The following TPMT variants were observed in gnomAD, a reference collection of about 807,000 sequenced individuals.
TPMT encodes the protein thiopurine S-methyltransferase.
In TPMT, 18 loss-of-function variants were observed where a neutral mutation model predicts 34.2. The ratio of observed to expected loss-of-function variants is 0.53; its 90% CI spans 0.36 to 0.78. The LOEUF is 0.78. Ranked by LOEUF, TPMT falls within the 30% of genes least tolerant of loss-of-function variation. The pLI, the probability that TPMT is intolerant of heterozygous loss-of-function variation, is 0.00. For missense variants in TPMT, 265 were observed against 288.1 expected, an observed-to-expected ratio of 0.92 and a Z score of 0.58; for synonymous variants, 69 against 92.4, an observed-to-expected ratio of 0.75 and a Z score of 1.45.
rs976236762 is a variant in TPMT, at chr6:18,139,092, T to G, written c.420-55A>C. On this transcript the variant is annotated intron_variant, in intron 5 of 8. Transcript: ENST00000309983. This position sits in a 1 kb window ranked among gnomAD's most constrained non-coding sequence, Gnocchi z 4.2. ...GAGAAAAATCAAATCTTTAAGAAGA[T>G]GAGCAGCGTCCCCCATGGTGCATGC... The G allele has an allele frequency of 2.0e-6, 3 of 1,469,808 alleles. No individual in the cohort carries two copies. The highest frequency in any genetic ancestry group is 2.9e-6 in the Non-Finnish European group (3 of 1,048,062). 91.0% of individuals were successfully genotyped at this position (1,469,808 alleles called of 1,614,324 possible).
intron 6 of TPMT, among the ~76,000 whole-genome samples, chr6:18,134,402 G>A (rs1784005377): frequency 6.6e-6 from 1 of 152,216 alleles, no homozygotes; most frequent in African/African-American, 2.4e-5. Context: ...GGGGCCTTAT[G>A]TAAGAGAAAA....
chr6:18,151,772 C>T (rs933726888), intron 1 of TPMT, among the ~76,000 whole-genome samples: 2 of 151,962 alleles, frequency 1.3e-5, no homozygotes, highest in Non-Finnish European at 2.9e-5. Context: ...TCTTTAATTT[C>T]CTTGTGGTAG....
intron 1 of TPMT, among the ~76,000 whole-genome samples, chr6:18,151,713 C>A (rs1784358035): frequency 6.6e-6 from 1 of 151,988 alleles, no homozygotes. Flanking sequence ...CCGCCTCAGC[C>A]TTTAAAGTAT....
In TPMT at chr6:18,131,797, A is replaced by G. The variant is rs1198226880; in HGVS notation, c.625+336T>C. Among the ~76,000 whole-genome samples the G allele has an allele frequency of 6.7e-6, 1 of 149,806 alleles. No homozygotes were observed. On this transcript the variant is annotated intron_variant, in intron 8 of 8. Transcript: ENST00000309983. This position sits in a 1 kb window ranked among gnomAD's most constrained non-coding sequence, Gnocchi z 4.3. ...AGTTCACAATAGGTTTTTTTTTTTT[A>G]GATGGAGTCTCACTCTGTTACCCAC...
rs553458231 is a variant in TPMT, at chr6:18,149,501, C to T, written c.-44-330G>A. Among the ~76,000 whole-genome samples the T allele has an allele frequency of 2.1e-4, 32 of 151,252 alleles. No homozygotes were observed. The highest frequency in any genetic ancestry group is 7.0e-4 in the African/African-American group (29 of 41,184). On this transcript the variant is annotated intron_variant, in intron 1 of 8. Coordinates refer to ENST00000309983, the MANE Select transcript of TPMT (RefSeq NM_000367.5). The surrounding 1 kb of genome is among the most constrained non-coding windows in gnomAD (Gnocchi z 5.0). ...TTTTTTTTTCAGAGACAAGGTCTTG[C>T]TCTGTCACCCAGGCTGGAGACCCTG... is the stretch of plus-strand genomic sequence containing the variant.
rs1242453916 is a variant in TPMT, at chr6:18,154,740, G to A, written c.-45+293C>T. 6.6e-6 allele frequency among the ~76,000 whole-genome samples: 1 copy of A among 152,034 alleles called. No homozygotes were observed. The highest frequency in any genetic ancestry group is 2.4e-5 in the African/African-American group (1 of 41,384). On this transcript the variant is annotated intron_variant, in intron 1 of 8. Transcript: ENST00000309983. The surrounding 1 kb of genome is among the most constrained non-coding windows in gnomAD (Gnocchi z 4.2). ...GTGAGCTATGATTGTGCCACTGCAC[G>A]CTAGCATGGGCGACAGAGGGAGACC...
chr6:18,134,647 T>G (rs1003825249), intron 6 of TPMT, among the ~76,000 whole-genome samples: 1 of 151,980 alleles, frequency 6.6e-6, no homozygotes, highest in Admixed American at 6.6e-5. Flanking sequence ...AGACGATGAG[T>G]TGACCAATCA....
intron 4 of TPMT, among the ~76,000 whole-genome samples, chr6:18,141,552 C>G (rs1784142083): frequency 6.6e-6 from 1 of 152,134 alleles, no homozygotes. Flanking sequence ...GTTGGCCATG[C>G]TGGTCCTGAA....
intron 4 of TPMT, among the ~76,000 whole-genome samples, chr6:18,141,622 GAGCCACCATGCCC>G: frequency 6.6e-6 from 1 of 152,266 alleles, no homozygotes; most frequent in African/African-American, 2.4e-5. Flanking sequence ...TTACAGGCAT[GAGCCACCATGCCC>G]AGCTGAGCAA....
chr6:18,148,916 A>G lies in TPMT; in HGVS notation c.140+72T>C. The stretch of plus-strand genomic sequence containing the variant: ...CCTAAAAGTTAGTCAAATAATGTGT[A>G]CTTTTATTATTTCTATCTCAAAGTC... On this transcript the variant is annotated intron_variant, in intron 2 of 8. Coordinates refer to ENST00000309983, the MANE Select transcript of TPMT (RefSeq NM_000367.5). The surrounding 1 kb of genome is among the most constrained non-coding windows in gnomAD (Gnocchi z 4.1). 1 of 1,600,504 alleles carries G rather than the reference A, an allele frequency of 6.2e-7. No individual in the cohort carries two copies. The highest frequency in any genetic ancestry group is 1.1e-5 in the South Asian group (1 of 90,766).
Position 18,143,544 on chromosome 6 carries a change from A to G in TPMT, c.366+52T>C, listed in dbSNP as rs1784187004. 1.2e-6 allele frequency: 2 copies of G among 1,610,274 alleles called. No individual in the cohort carries two copies. The highest frequency in any genetic ancestry group is 1.7e-6 in the Non-Finnish European group (2 of 1,179,060). On this transcript the variant is annotated intron_variant, in intron 4 of 8. Coordinates refer to ENST00000309983, the MANE Select transcript of TPMT (RefSeq NM_000367.5). The surrounding 1 kb of genome is among the most constrained non-coding windows in gnomAD (Gnocchi z 6.1). ...GTATCCTCATAATACTCACACTGAG[A>G]AAAACTTTTGTGGGGATATGGATAC...
intron 1 of TPMT, among the ~76,000 whole-genome samples, chr6:18,151,833 G>A (rs1414431437): frequency 3.9e-5 from 6 of 152,000 alleles, no homozygotes; most frequent in South Asian, 2.1e-4. Flanking sequence ...GGATTCTGTC[G>A]TTGGAGCCAC....
Position 18,140,339 on chromosome 6 carries a change from T to C in TPMT, c.367-622A>G, listed in dbSNP as rs1051750384. On this transcript the variant is annotated intron_variant, in intron 4 of 8. Coordinates refer to ENST00000309983, the MANE Select transcript of TPMT (RefSeq NM_000367.5). The surrounding 1 kb of genome is among the most constrained non-coding windows in gnomAD (Gnocchi z 4.7). ...GTTGTGGTTCTGTGCCTGCGAACTA[T>C]GTGAACACAGAAGGCAGAGCAGGGG... Among the ~76,000 whole-genome samples the C allele has an allele frequency of 1.4e-4, 21 of 152,178 alleles. No individual in the cohort carries two copies. Among genetic ancestry groups the C allele is most frequent in the African/African-American group, 4.6e-4 (19 of 41,432 alleles).
rs1462558414 is a variant in TPMT at position 18,143,121 on chromosome 6, G to A, written c.366+475C>T. Among the ~76,000 whole-genome samples the A allele has an allele frequency of 6.6e-6, 1 of 152,102 alleles. No individual in the cohort carries two copies. The highest frequency in any genetic ancestry group is 1.5e-5 in the Non-Finnish European group (1 of 68,026). On this transcript the variant is annotated intron_variant, in intron 4 of 8. Transcript: ENST00000309983. This position sits in a 1 kb window ranked among gnomAD's most constrained non-coding sequence, Gnocchi z 6.1. ...CTGTCACCATGCTTCAGGAAGCACC[G>A]CCAGGTTGGGCAGGTAACTCCCATC... is the stretch of plus-strand genomic sequence containing the variant.
Position 18,132,984 on chromosome 6 carries a change from T to G in TPMT, c.581-807A>C, listed in dbSNP as rs1003523892. On this transcript the variant is annotated intron_variant, in intron 7 of 8. Transcript: ENST00000309983. The surrounding 1 kb of genome is among the most constrained non-coding windows in gnomAD (Gnocchi z 4.8). ...TGGCATACACTGTAATCCCAGCTACTTGGGAGGCTGAGGCAGGAGAATCAC... is the reference window on the plus strand; with the variant it reads ...TGGCATACACTGTAATCCCAGCTACGTGGGAGGCTGAGGCAGGAGAATCAC... 3.3e-5 allele frequency among the ~76,000 whole-genome samples: 5 copies of G among 151,954 alleles called. No homozygotes were observed. The highest frequency in any genetic ancestry group is 1.2e-4 in the African/African-American group (5 of 41,356).
In TPMT at chr6:18,153,435, C is replaced by T. The variant is rs376337730; in HGVS notation, c.-45+1598G>A. On this transcript the variant is annotated intron_variant, in intron 1 of 8. Transcript: ENST00000309983. The surrounding 1 kb of genome is among the most constrained non-coding windows in gnomAD (Gnocchi z 4.2). ...ATTAGTGAAACTAGTTTGGATTATA[C>T]TAGCATGCTATTATTGGTGGTTCTA... Among the ~76,000 whole-genome samples the T allele has an allele frequency of 6.6e-6, 1 of 152,192 alleles. No homozygotes were observed. Among genetic ancestry groups the T allele is most frequent in the African/African-American group, 2.4e-5 (1 of 41,444 alleles).
intron 1 of TPMT, among the ~76,000 whole-genome samples, chr6:18,151,278 C>CAACA (rs755367837): frequency 4.5e-4 from 66 of 148,058 alleles, no homozygotes; most frequent in Non-Finnish European, 7.9e-4. Flanking sequence ...CTAGCTTGGG[C>CAACA]AACATAGTGA....
chr6:18,143,763 T>G lies in TPMT; in HGVS notation c.234-35A>C, dbSNP rs1380609189. 2 of 1,612,446 alleles carry G rather than the reference T, an allele frequency of 1.2e-6. No homozygotes were observed. The highest frequency in any genetic ancestry group is 1.7e-6 in the Non-Finnish European group (2 of 1,179,090). On this transcript the variant is annotated intron_variant, in intron 3 of 8. Coordinates refer to ENST00000309983, the MANE Select transcript of TPMT (RefSeq NM_000367.5). The surrounding 1 kb of genome is among the most constrained non-coding windows in gnomAD (Gnocchi z 6.1). ...ATCATACATTTACACTTAAATTATGTTTTCAAATGACTAAATAGAGGGTTA... is the reference window on the plus strand; with the variant it reads ...ATCATACATTTACACTTAAATTATGGTTTCAAATGACTAAATAGAGGGTTA...
In TPMT at chr6:18,154,611, A is replaced by G. The variant is rs1784441247; in HGVS notation, c.-45+422T>C. ...AACCGAGAGTCCGTTTCTATAAAAA[A>G]AAATTTGAAAAATTAGCCAAGCGTG... is the stretch of plus-strand genomic sequence containing the variant. On this transcript the variant is annotated intron_variant, in intron 1 of 8. Transcript: ENST00000309983. This position sits in a 1 kb window ranked among gnomAD's most constrained non-coding sequence, Gnocchi z 4.2. Among the ~76,000 whole-genome samples, 1 of 152,120 alleles carries G rather than the reference A, an allele frequency of 6.6e-6. No homozygotes were observed. The highest frequency in any genetic ancestry group is 1.5e-5 in the Non-Finnish European group (1 of 68,026).
Sources: allele counts gnomAD v4.1 joint callset (sites outside exome capture counted in the v4.1 genomes callset), GRCh38; gene constraint gnomAD v4.1.1; non-coding constraint Gnocchi (gnomAD v3.1); transcripts MANE v1.5; gene names NCBI Gene and HGNC (gene_info 2026-07-23, HGNC 2026-07-21).